KANSL1: variants seen among roughly 807,000 people sequenced by gnomAD.
KANSL1 encodes KAT8 regulatory NSL complex subunit 1, also known as MLL1/MLL complex subunit KANSL1.
A neutral mutation model predicts 103.6 loss-of-function variants in KANSL1; 22 were observed. That is an observed-to-expected ratio of 0.21 (90% CI 0.15 to 0.30). The LOEUF (loss-of-function observed/expected upper bound fraction) is 0.30. Ranked by LOEUF, KANSL1 falls within the 10% of genes least tolerant of loss-of-function variation. KANSL1 has a pLI of 1.00. For missense variants in KANSL1, 1,337 were observed against 1,399.8 expected, an observed-to-expected ratio of 0.96 and a Z score of 0.72; for synonymous variants, 600 against 527.6, an observed-to-expected ratio of 1.14 and a Z score of -1.88.
rs371591613 is a variant in KANSL1 at position 46,075,412 on chromosome 17, T to C, written c.1533+7029A>G. On this transcript the variant is annotated intron_variant, in intron 4 of 14. Transcript: ENST00000432791. ...AATGCAGTGGCACAATCTTGGCTCATTGCAACCTCTGCCTCCTGGGTTCAA... is the reference window on the plus strand; with the variant it reads ...AATGCAGTGGCACAATCTTGGCTCACTGCAACCTCTGCCTCCTGGGTTCAA... Among the ~76,000 whole-genome samples, 74 of 152,254 alleles carry C rather than the reference T, an allele frequency of 4.9e-4. 1 individual carries two copies. In the South Asian group the frequency reaches 0.013, roughly 27 times the overall value.
At chr17:46,204,663 G>A (rs1445299407) in intron 1 of KANSL1, among the ~76,000 whole-genome samples, 1 of 152,148 alleles carries the variant, frequency 6.6e-6, no homozygotes, top group Non-Finnish European at 1.5e-5. Flanking sequence ...GACAACTACA[G>A]ACCAATATAT....
chr17:46,105,937 ACACACACACAC>A (rs1249903760), intron 2 of KANSL1, among the ~76,000 whole-genome samples: 11 of 83,256 alleles, frequency 1.3e-4, no homozygotes, highest in South Asian at 3.2e-4. Flanking sequence ...ACACACACAC[ACACACACACAC>A]CCCCCCAGAA....
chr17:46,050,452 C>A (rs2077673151), intron 7 of KANSL1, 81 bp downstream of exon 7: 1 of 1,393,010 alleles, frequency 7.2e-7, no homozygotes, highest in Non-Finnish European at 9.8e-7. Context: ...TGAGTTGTAA[C>A]TGCACCTTGG....
rs574158945 is a variant in KANSL1, at chr17:46,177,640, T to G, written c.-89-5408A>C. ...AAAAAGTCATTGGTTAAGATTCTTT[T>G]GTCTTTTGTTTCTTGGCTTATGTAA... On this transcript the variant is annotated intron_variant, in intron 1 of 14. Coordinates refer to ENST00000432791, the MANE Select transcript of KANSL1 (RefSeq NM_015443.4). Among the ~76,000 whole-genome samples the G allele has an allele frequency of 2.0e-5, 3 of 152,364 alleles. No homozygotes were observed. In the South Asian group the frequency reaches 6.2e-4, roughly 32 times the overall value.
At chr17:46,214,219 G>A (rs1271361846) in intron 1 of KANSL1, among the ~76,000 whole-genome samples, 4 of 152,218 alleles carry the variant, frequency 2.6e-5, no homozygotes, top group African/African-American at 9.7e-5. Context: ...TTATCAGACT[G>A]GGACCAATAG....
chr17:46,097,719 G>C (rs1279523363), intron 2 of KANSL1, among the ~76,000 whole-genome samples: 1 of 152,102 alleles, frequency 6.6e-6, no homozygotes, highest in Non-Finnish European at 1.5e-5. Context: ...ACAGCCCTCA[G>C]CCCCACTTCC....
At chr17:46,099,323 CA>C (rs5820610) in intron 2 of KANSL1, among the ~76,000 whole-genome samples, 6,686 of 60,928 alleles carry the variant, frequency 0.11, 432 homozygotes, top group African/African-American at 0.29. Context: ...GACTCCGTCT[CA>C]AAAAAAAAAA....
chr17:46,215,294 T>C (rs2048304987), intron 1 of KANSL1: 1 of 152,538 alleles, frequency 6.6e-6, no homozygotes, highest in Non-Finnish European at 1.5e-5. Flanking sequence ...CAGAAGGAAC[T>C]GGGCACAAGC....
chr17:46,176,277 A>ATTTC lies in KANSL1; in HGVS notation c.-89-4046_-89-4045insGAAA, dbSNP rs2046514510. Reference sequence around the variant, plus strand: ...AGGCTCACTCCAGCACAAATGAAAAAGAGGGTCATAATTAACATCACATCA... The same window carrying ATTTC: ...AGGCTCACTCCAGCACAAATGAAAAATTTCGAGGGTCATAATTAACATCACATCA... On this transcript the variant is annotated intron_variant, in intron 1 of 14. Transcript: ENST00000432791. Among the ~76,000 whole-genome samples, 6 of 152,386 alleles carry ATTTC rather than the reference A, an allele frequency of 3.9e-5. No individual in the cohort carries two copies. The South Asian group carries it at 1.2e-3, about 32-fold the overall frequency.
At chr17:46,050,512 C>G in intron 7 of KANSL1, 21 bp downstream of exon 7, 2 of 1,610,658 alleles carry the variant, frequency 1.2e-6, no homozygotes, top group Non-Finnish European at 1.7e-6. Flanking sequence ...ATTAGACTTT[C>G]TAGTCTGTGG....
At chr17:46,205,375 C>CCA (rs2047929791) in intron 1 of KANSL1, among the ~76,000 whole-genome samples, 9 of 151,978 alleles carry the variant, frequency 5.9e-5, no homozygotes, top group Admixed American at 2.6e-4. Flanking sequence ...ATAGCATCCC[C>CCA]CCGCCAAAAA....
At chr17:46,194,869 C>T (rs1170380793), upstream of KANSL1, among the ~76,000 whole-genome samples, 1 of 152,226 alleles carries the variant, frequency 6.6e-6, no homozygotes, top group Non-Finnish European at 1.5e-5. Flanking sequence ...ACTCACCTGC[C>T]CCTGCAACAT....
chr17:46,192,336 G>A (rs1399478232), intron 1 of KANSL1: 2 of 151,856 alleles, frequency 1.3e-5, no homozygotes, highest in African/African-American at 4.8e-5. Flanking sequence ...CCGCCTGAGG[G>A]AGACTACATC....
chr17:46,167,817 G>A (rs1277968556), intron 2 of KANSL1, among the ~76,000 whole-genome samples: 1 of 152,190 alleles, frequency 6.6e-6, no homozygotes, highest in East Asian at 1.9e-4. Flanking sequence ...ATGTACCAAC[G>A]ACACAGAATG....
chr17:46,186,203 G>A (rs2047024645), intron 1 of KANSL1, among the ~76,000 whole-genome samples: 1 of 148,902 alleles, frequency 6.7e-6, no homozygotes. Context: ...GTGAAACCCC[G>A]TCTCTACTAA....
intron 1 of KANSL1, among the ~76,000 whole-genome samples, chr17:46,186,326 T>C (rs2047032808): frequency 6.7e-6 from 1 of 149,410 alleles, no homozygotes; most frequent in Non-Finnish European, 1.5e-5. Context: ...GAGCTTGCAG[T>C]GAGCTGAGAT....
chr17:46,066,696 G>A lies in KANSL1; in HGVS notation c.1689C>T (p.Asp563=), dbSNP rs113557856. 105 of 1,614,114 alleles carry A rather than the reference G, an allele frequency of 6.5e-5. No individual in the cohort carries two copies. In the African/African-American group the frequency reaches 1.2e-3, roughly 19 times the overall value. ...QPVLADHIPG[D]SSDAEEQLHK... is the part of the protein sequence containing the mutation. ...GTAATTGTTCCTCAGCATCAGAGCT[G>A]TCACCTGGAATGTGGTCTGCCAAGA... The change falls in exon 6 of 15, where the codon GAC becomes GAT. Residue 563 remains aspartate, a synonymous_variant. Transcript: ENST00000432791.
At position 46,171,899 on chromosome 17, in the gene KANSL1, T is replaced by C. The variant is rs542767503; in HGVS notation, c.245A>G (p.Tyr82Cys). 4 of 1,614,264 alleles carry C rather than the reference T, an allele frequency of 2.5e-6. No homozygotes were observed. The highest frequency in any genetic ancestry group is 2.5e-6 in the Non-Finnish European group (3 of 1,180,044). Reference protein sequence around the residue: ...LGKLQPLVASYLCSDVTSVPS... With the variant: ...LGKLQPLVASCLCSDVTSVPS... The stretch of plus-strand genomic sequence containing the variant: ...AACAGATGTTACATCAGAGCAGAGA[T>C]AAGATGCCACCAGTGGTTGCAGCTT... Residue 82 changes from tyrosine (Y) to cysteine (C), a missense_variant, in exon 2 of 15, where the codon TAT (tyrosine) becomes TGT (cysteine). Around this residue, in one of 2 missense-constraint regions of KANSL1, gnomAD observed 557 missense variants for 476.4 expected, o/e 1.17. Transcript: ENST00000432791.
chr17:46,193,606 G>A (rs2047481731), upstream of KANSL1: 2 of 266,504 alleles, frequency 7.5e-6, no homozygotes, highest in South Asian at 2.9e-5. Context: ...CCTCAGTCAT[G>A]GCTCCTCGCC....
Sources: allele counts gnomAD v4.1 joint callset (sites outside exome capture counted in the v4.1 genomes callset), GRCh38; gene constraint gnomAD v4.1.1; regional missense constraint gnomAD v4.1.1; transcripts MANE v1.5; gene names NCBI Gene and HGNC (gene_info 2026-07-23, HGNC 2026-07-21).